Variants in LRFN5 observed in about 807,000 individuals in gnomAD.
LRFN5 encodes leucine rich repeat and fibronectin type III domain containing 5.
Under a neutral mutation model 45.6 loss-of-function variants are expected in LRFN5, and 24 were observed. That is an observed-to-expected ratio of 0.53 (90% CI 0.38 to 0.74). LRFN5 has a LOEUF of 0.74. Among genes scored for constraint, LRFN5 ranks in the 30% least tolerant of loss-of-function variants. The pLI is 0.00. For missense variants in LRFN5, 776 were observed against 861.5 expected, an observed-to-expected ratio of 0.90 and a Z score of 1.24; for synonymous variants, 340 against 313.8, an observed-to-expected ratio of 1.08 and a Z score of -0.88.
At chr14:41,842,132 T>A (rs1333573473) in intron 2 of LRFN5, among the ~76,000 whole-genome samples, 1 of 152,076 alleles carries the variant, frequency 6.6e-6, no homozygotes, top group Non-Finnish European at 1.5e-5. Context: ...TTGTTGTTTT[T>A]GGCTTTTCCA....
At chr14:41,699,151 C>A (rs1283570096) in intron 1 of LRFN5, among the ~76,000 whole-genome samples, 4 of 151,854 alleles carry the variant, frequency 2.6e-5, no homozygotes, top group Non-Finnish European at 4.4e-5. Flanking sequence ...CGAACATTAA[C>A]GTACAGAGGA....
Position 41,653,669 on chromosome 14 carries a change from GTAAC to G in LRFN5, c.-197+45109_-197+45112del, listed in dbSNP as rs1172439836. Among the ~76,000 whole-genome samples, 10 of 152,202 alleles carry G rather than the reference GTAAC, an allele frequency of 6.6e-5. 1 individual carries two copies. The Middle Eastern group carries it at 0.014, about 207-fold the overall frequency. On this transcript the variant is annotated intron_variant, in intron 1 of 5. Coordinates refer to ENST00000298119, the MANE Select transcript of LRFN5 (RefSeq NM_152447.5). ...CGCATTGAAAGTTTGAGGCAGGAGAGTAACTGGTCTGCATAAATACTTAAGAAAC... is the reference window on the plus strand; with the variant it reads ...CGCATTGAAAGTTTGAGGCAGGAGAGTGGTCTGCATAAATACTTAAGAAAC...
chr14:41,647,741 G>T (rs2138611554), intron 1 of LRFN5, among the ~76,000 whole-genome samples: 1 of 152,254 alleles, frequency 6.6e-6, no homozygotes, highest in African/African-American at 2.4e-5. Context: ...CATAAGAAGA[G>T]ATGCCAACTC....
intron 1 of LRFN5, among the ~76,000 whole-genome samples, chr14:41,646,293 G>A (rs1319910582): frequency 6.6e-6 from 1 of 152,132 alleles, no homozygotes; most frequent in Non-Finnish European, 1.5e-5. Flanking sequence ...GTTTCATCAT[G>A]TATATTTGTC....
Position 41,887,232 on chromosome 14 carries a change from A to T in LRFN5, c.607A>T (p.Thr203Ser). ...HLHKMTRLDVTSNKLQKLPPD... is the reference protein window; with the variant it reads ...HLHKMTRLDVSSNKLQKLPPD... ...GCACAAGATGACTCGGTTAGATGTG[A>T]CATCAAATAAATTGCAGAAGCTACC... Residue 203 changes from threonine to serine, a missense_variant, in exon 3 of 6, where the codon ACA (threonine) becomes TCA (serine). Physicochemically the swap from Thr to Ser is moderately conservative, Grantham distance 58 (BLOSUM62 1). Around this residue, in one of 2 missense-constraint regions of LRFN5, gnomAD observed 311 missense variants for 405.1 expected, o/e 0.77. Coordinates refer to ENST00000298119, the MANE Select transcript of LRFN5 (RefSeq NM_152447.5). This position sits in a 1 kb window ranked among gnomAD's most constrained non-coding sequence, Gnocchi z 4.8. 1 of 1,614,200 alleles carries T rather than the reference A, an allele frequency of 6.2e-7. No homozygotes were observed. Among genetic ancestry groups the T allele is most frequent in the Non-Finnish European group, 8.5e-7 (1 of 1,180,032 alleles).
intron 1 of LRFN5, among the ~76,000 whole-genome samples, chr14:41,756,774 G>A (rs1021923841): frequency 1.2e-4 from 19 of 152,176 alleles, no homozygotes; most frequent in East Asian, 1.9e-4. Flanking sequence ...ATCATTCTCC[G>A]TCCAGCTTTG....
intron 2 of LRFN5, among the ~76,000 whole-genome samples, chr14:41,802,653 T>C (rs930050617): frequency 5.3e-5 from 8 of 152,158 alleles, no homozygotes; most frequent in Non-Finnish European, 1.2e-4. Context: ...GTCTTTAAAT[T>C]TTACATGCAA....
chr14:41,688,793 C>T (rs1882234300), intron 1 of LRFN5, among the ~76,000 whole-genome samples: 1 of 151,484 alleles, frequency 6.6e-6, no homozygotes, highest in Non-Finnish European at 1.5e-5. Flanking sequence ...TTAAAGAAGC[C>T]AAGCACAGTG....
intron 1 of LRFN5, among the ~76,000 whole-genome samples, chr14:41,649,755 C>T (rs547292590): frequency 1.3e-5 from 2 of 152,248 alleles, no homozygotes; most frequent in African/African-American, 4.8e-5. Context: ...TTACCCCTGA[C>T]GTTTCCTCTT....
chr14:41,829,810 C>A (rs1174791500), intron 2 of LRFN5, among the ~76,000 whole-genome samples: 2 of 150,258 alleles, frequency 1.3e-5, no homozygotes, highest in Non-Finnish European at 3.0e-5. Context: ...TTTTAAATTT[C>A]TGCTGTAACA....
chr14:41,722,619 G>A (rs1054882047), intron 1 of LRFN5, among the ~76,000 whole-genome samples: 2 of 148,924 alleles, frequency 1.3e-5, no homozygotes, highest in Admixed American at 6.7e-5. Context: ...TCCGGGGTGT[G>A]ATTGTAAAGA....
In LRFN5 at chr14:41,839,324, T is replaced by A. The variant is rs56805934; in HGVS notation, c.-20-47282T>A. ...AATAACCATAAGAGTAGATTTTTTT[T>A]AAAAAAAGAAGGAACTTCTTAATGA... On this transcript the variant is annotated intron_variant, in intron 2 of 5. Transcript: ENST00000298119. Among the ~76,000 whole-genome samples, 921 of 151,886 alleles carry A rather than the reference T, an allele frequency of 6.1e-3. 18 individuals are homozygous for A. Among genetic ancestry groups the A allele is most frequent in the Admixed American group, 0.038 (581 of 15,238 alleles).
intron 2 of LRFN5, among the ~76,000 whole-genome samples, chr14:41,871,815 C>CT (rs1000217014): frequency 1.1e-4 from 16 of 152,206 alleles, no homozygotes; most frequent in South Asian, 2.1e-4. Flanking sequence ...CACAGTCCAA[C>CT]TTTTTTTACT....
At chr14:41,610,041 A>G (rs1312824272) in intron 1 of LRFN5, 1 of 152,654 alleles carries the variant, frequency 6.6e-6, no homozygotes, top group Non-Finnish European at 1.5e-5. Flanking sequence ...CCATGTATGC[A>G]GCGGGCTTTG....
intron 1 of LRFN5, among the ~76,000 whole-genome samples, chr14:41,647,846 A>AC (rs1879890830): frequency 6.6e-6 from 1 of 152,178 alleles, no homozygotes; most frequent in Admixed American, 6.5e-5. Context: ...CTAGACCAAG[A>AC]TGGTGGGGAG....
intron 1 of LRFN5, among the ~76,000 whole-genome samples, chr14:41,646,600 C>A (rs1418089868): frequency 2.6e-5 from 4 of 152,148 alleles, no homozygotes; most frequent in Admixed American, 2.0e-4. Context: ...AAATATCTTT[C>A]TATTAATTAT....
chr14:41,864,635 C>A (rs1274321527), intron 2 of LRFN5, among the ~76,000 whole-genome samples: 1 of 152,138 alleles, frequency 6.6e-6, no homozygotes, highest in African/African-American at 2.4e-5. Context: ...TTCTGAGGTA[C>A]TGGGAGTTTA....
chr14:41,631,705 A>T (rs186372865), intron 1 of LRFN5, among the ~76,000 whole-genome samples: 1 of 152,282 alleles, frequency 6.6e-6, no homozygotes, highest in Non-Finnish European at 1.5e-5. Context: ...TGAGAGAAAT[A>T]ATAAGTCATG....
At chr14:41,758,370 A>T (rs1489283465) in intron 1 of LRFN5, among the ~76,000 whole-genome samples, 1 of 152,224 alleles carries the variant, frequency 6.6e-6, no homozygotes, top group East Asian at 1.9e-4. Context: ...TTAATCCCTT[A>T]TGTGTATTTC....
Sources: allele counts gnomAD v4.1 joint callset (sites outside exome capture counted in the v4.1 genomes callset), GRCh38; gene constraint gnomAD v4.1.1; regional missense constraint gnomAD v4.1.1; non-coding constraint Gnocchi (gnomAD v3.1); transcripts MANE v1.5; gene names NCBI Gene and HGNC (gene_info 2026-07-23, HGNC 2026-07-21).